The following USH2A variants were observed in gnomAD, a reference collection of about 807,000 sequenced individuals.
USH2A encodes Usher syndrome 2A (autosomal recessive, mild).
A neutral mutation model predicts 538.9 loss-of-function variants in USH2A; 443 were observed. That is an observed-to-expected ratio of 0.82 (90% CI 0.76 to 0.89). The LOEUF (loss-of-function observed/expected upper bound fraction) is 0.89, where lower values mean the gene tolerates loss of function less well. Ranked by LOEUF, USH2A falls within the 40% of genes least tolerant of loss-of-function variation. The probability of loss-of-function intolerance (pLI) is 0.00; values close to 1 mark genes in which losing one functional copy is unlikely to be tolerated. For synonymous variants in USH2A, 2,413 were observed against 2,273.5 expected (o/e 1.06, Z -1.75); for missense variants, 6,633 against 6,324.8 (o/e 1.05, Z -1.65).
At chr1:216,280,025 G>A (rs2036742227) in intron 11 of USH2A, among the ~76,000 whole-genome samples, 1 of 151,852 alleles carries the variant, frequency 6.6e-6, no homozygotes, top group Admixed American at 6.6e-5. Flanking sequence ...ATCTCTAGAT[G>A]TATGCACTTT....
chr1:215,982,265 T>C (rs933165670), intron 35 of USH2A, among the ~76,000 whole-genome samples: 14 of 152,304 alleles, frequency 9.2e-5, no homozygotes, highest in African/African-American at 3.4e-4. Context: ...ATCAAACAAG[T>C]GAGCATATAT....
rs558290559 is a variant in USH2A at position 215,697,282 on chromosome 1, C to T, written c.12067-16906G>A. On this transcript the variant is annotated intron_variant, in intron 61 of 71. Coordinates refer to ENST00000307340, the MANE Select transcript of USH2A (RefSeq NM_206933.4). ...CCTGCCCCCTATTTTTGATATTAGACGATAACATGGCTAAAGATTACTCTC... is the reference window on the plus strand; with the variant it reads ...CCTGCCCCCTATTTTTGATATTAGATGATAACATGGCTAAAGATTACTCTC... 5.3e-5 allele frequency among the ~76,000 whole-genome samples: 8 copies of T among 151,978 alleles called. No individual in the cohort carries two copies. The South Asian group carries it at 6.3e-4, about 12-fold the overall frequency.
At chr1:216,216,563 A>T (rs900569398) in intron 15 of USH2A, among the ~76,000 whole-genome samples, 3 of 152,078 alleles carry the variant, frequency 2.0e-5, no homozygotes, top group African/African-American at 7.2e-5. Flanking sequence ...GAATATGCAT[A>T]GCACAATATG....
intron 21 of USH2A, 120 bp from the exon 22 acceptor site, chr1:216,097,333 C>A: frequency 6.5e-7 from 1 of 1,544,150 alleles, no homozygotes; most frequent in Non-Finnish European, 8.9e-7. Context: ...AAATTATACA[C>A]AGCAATATAC....
chr1:216,368,781 T>A (rs2038647349), intron 3 of USH2A, among the ~76,000 whole-genome samples: 1 of 152,230 alleles, frequency 6.6e-6, no homozygotes, highest in Non-Finnish European at 1.5e-5. Context: ...AAATTATGTC[T>A]TAATTTGTTA....
chr1:215,881,891 C>T (rs763117142), intron 41 of USH2A, among the ~76,000 whole-genome samples: 48 of 152,124 alleles, frequency 3.2e-4, no homozygotes, highest in Non-Finnish European at 2.4e-4. Flanking sequence ...GTTTAAGGAA[C>T]GATTGACTTT....
chr1:216,310,909 A>C (rs1013768481), intron 9 of USH2A, among the ~76,000 whole-genome samples: 3 of 152,106 alleles, frequency 2.0e-5, no homozygotes, highest in African/African-American at 4.8e-5. Context: ...ACATACATCT[A>C]TGTCTTTGCT....
intron 51 of USH2A, among the ~76,000 whole-genome samples, chr1:215,788,333 T>C (rs1383962826): frequency 1.3e-5 from 2 of 152,212 alleles, no homozygotes; most frequent in Middle Eastern, 3.4e-3. Flanking sequence ...GTGTGACTAG[T>C]GCATAGAAAG....
At chr1:215,806,044 C>T (rs4405115) in intron 49 of USH2A, among the ~76,000 whole-genome samples, 64,522 of 146,934 alleles carry the variant, frequency 0.44, 14,612 homozygotes, top group Admixed American at 0.57. Flanking sequence ...AAAGTAGCTG[C>T]TCTCATCTAT....
chr1:216,182,712 T>C (rs1373458783), intron 20 of USH2A, among the ~76,000 whole-genome samples: 1 of 152,078 alleles, frequency 6.6e-6, no homozygotes, highest in Non-Finnish European at 1.5e-5. Context: ...TAGGTAAGGA[T>C]CAAAATAAAT....
intron 37 of USH2A, among the ~76,000 whole-genome samples, chr1:215,939,660 A>C (rs975282678): frequency 6.6e-6 from 1 of 152,142 alleles, no homozygotes; most frequent in African/African-American, 2.4e-5. Context: ...TGTCTCGAGA[A>C]TACCATCCTA....
chr1:216,134,398 T>A (rs2033438256), intron 21 of USH2A, among the ~76,000 whole-genome samples: 1 of 151,892 alleles, frequency 6.6e-6, no homozygotes, highest in Non-Finnish European at 1.5e-5. Context: ...TATTAATTAA[T>A]TAATATGGAG....
In USH2A at chr1:215,704,627, T is replaced by TA. The variant is rs1659132932; in HGVS notation, c.12066+23402_12066+23403insT. Among the ~76,000 whole-genome samples, 23 of 152,334 alleles carry TA rather than the reference T, an allele frequency of 1.5e-4. No homozygotes were observed. In the South Asian group the frequency reaches 4.8e-3, roughly 32 times the overall value. ...GCACATCCTTAGCCTCTCCCTGGTC[T>TA]GCCTCTTTCATTCACACCCTGTCCC... On this transcript the variant is annotated intron_variant, in intron 61 of 71. Transcript: ENST00000307340.
intron 4 of USH2A, among the ~76,000 whole-genome samples, chr1:216,339,704 G>A (rs1348626738): frequency 4.6e-5 from 7 of 151,838 alleles, no homozygotes; most frequent in Non-Finnish European, 8.8e-5. Flanking sequence ...ACAACTACAT[G>A]GAAATTGAAC....
chr1:216,116,304 T>C (rs2033007475), intron 21 of USH2A, among the ~76,000 whole-genome samples: 2 of 152,114 alleles, frequency 1.3e-5, no homozygotes, highest in African/African-American at 4.8e-5. Flanking sequence ...TTTCAAAAAT[T>C]GATCTTACAA....
rs537070081 is a variant in USH2A, at chr1:215,957,650, G to A, written c.7120+7667C>T. On this transcript the variant is annotated intron_variant, in intron 37 of 71. Transcript: ENST00000307340. ...GACCAACGACAAGCCACATTACGCC[G>A]TTCTACAGCTGCGTGGTGGACGTTA... Among the ~76,000 whole-genome samples, 35 of 152,192 alleles carry A rather than the reference G, an allele frequency of 2.3e-4. 1 individual carries two copies. The South Asian group carries it at 6.4e-3, about 28-fold the overall frequency.
At chr1:215,741,669 T>C in intron 59 of USH2A, 132 bp from the exon 60 acceptor site, 1 of 1,009,124 alleles carries the variant, frequency 9.9e-7, no homozygotes, top group South Asian at 1.8e-5. Flanking sequence ...TGTACATGTG[T>C]TTTAAATAAA....
intron 56 of USH2A, among the ~76,000 whole-genome samples, chr1:215,762,906 A>G (rs976138657): frequency 6.6e-6 from 1 of 152,174 alleles, no homozygotes; most frequent in South Asian, 2.1e-4. Flanking sequence ...ACACAGTGAC[A>G]ACAAGTAGAA....
chr1:215,779,781 T>C (rs1661567871), intron 55 of USH2A, 62 bp downstream of exon 55: 4 of 1,592,640 alleles, frequency 2.5e-6, no homozygotes, highest in Non-Finnish European at 3.4e-6. Context: ...TGGGATGCTT[T>C]GCCCCCCTAA....
Sources: allele counts gnomAD v4.1 joint callset (sites outside exome capture counted in the v4.1 genomes callset), GRCh38; gene constraint gnomAD v4.1.1; transcripts MANE v1.5; gene names NCBI Gene and HGNC (gene_info 2026-07-23, HGNC 2026-07-21).